The following PIGN variants were observed in gnomAD, a reference collection of about 807,000 sequenced individuals.
The protein encoded by PIGN is phosphatidylinositol glycan anchor biosynthesis class N.
PIGN carries 117 observed loss-of-function variants against 125.4 expected under a neutral mutation model. That is an observed-to-expected ratio of 0.93 (90% CI 0.80 to 1.09). The LOEUF (loss-of-function observed/expected upper bound fraction) is 1.09. Among genes scored for constraint, PIGN ranks in the 50% least tolerant of loss-of-function variants. The probability of loss-of-function intolerance (pLI) is 0.00; values close to 1 mark genes in which losing one functional copy is unlikely to be tolerated. For missense variants in PIGN, 1,075 were observed against 1,094.9 expected, an observed-to-expected ratio of 0.98 and a Z score of 0.26; for synonymous variants, 392 against 377.8, an observed-to-expected ratio of 1.04 and a Z score of -0.44.
At chr18:62,126,846 T>C (rs1383532459) in intron 14 of PIGN, among the ~76,000 whole-genome samples, 1 of 152,176 alleles carries the variant, frequency 6.6e-6, no homozygotes, top group Admixed American at 6.6e-5. Flanking sequence ...CAACTGAACT[T>C]GACCCTCATC....
At chr18:62,181,459 A>G (rs2037713125) in intron 1 of PIGN, among the ~76,000 whole-genome samples, 1 of 152,052 alleles carries the variant, frequency 6.6e-6, no homozygotes, top group Non-Finnish European at 1.5e-5. Flanking sequence ...TGCAAAATCT[A>G]ATAGCTATTT....
intron 7 of PIGN, chr18:62,153,787 TACAA>T (rs1193885226): frequency 1.3e-5 from 2 of 152,152 alleles, no homozygotes; most frequent in Non-Finnish European, 2.9e-5. Flanking sequence ...GGAGTACATT[TACAA>T]ACAAACAAAA....
intron 14 of PIGN, among the ~76,000 whole-genome samples, chr18:62,126,024 T>A (rs2035522623): frequency 6.6e-6 from 1 of 152,066 alleles, no homozygotes; most frequent in South Asian, 2.1e-4. Context: ...AACCCAATTG[T>A]ATAACAGTTT....
chr18:62,080,154 C>T (rs652473), intron 28 of PIGN, among the ~76,000 whole-genome samples: 61,911 of 151,578 alleles, frequency 0.41, 13,984 homozygotes, highest in Middle Eastern at 0.52. Context: ...TGTTTTTTTT[C>T]CCCCAATCCC....
intron 20 of PIGN, among the ~76,000 whole-genome samples, chr18:62,103,103 G>A (rs952497690): frequency 3.9e-5 from 6 of 152,030 alleles, no homozygotes; most frequent in Non-Finnish European, 7.4e-5. Flanking sequence ...TTAATCTTAG[G>A]ATAAAGATAC....
Position 62,084,532 on chromosome 18 carries a change from T to C in PIGN, c.2501A>G (p.Lys834Arg), listed in dbSNP as rs1425875624. 35 of 1,531,940 alleles carry C rather than the reference T, an allele frequency of 2.3e-5. No individual in the cohort carries two copies. The highest frequency in any genetic ancestry group is 3.0e-5 in the Non-Finnish European group (34 of 1,131,730). The allele number at this position is 1,531,940 out of a possible 1,614,324, so 94.9% of individuals were successfully genotyped here. A position where few individuals can be genotyped will look rare whatever the true frequency, so the allele number is the denominator to read the frequency against. ...PFMMGALMMW[K>R]ILIPFVLVMC... Reference sequence around the variant, plus strand: ...AAATAACAAAATAAGAAAACTAACCTTCCACATCATCAGGGCTCCCATCAT... The same window carrying C: ...AAATAACAAAATAAGAAAACTAACCCTCCACATCATCAGGGCTCCCATCAT... The change falls in exon 27 of 31, where the codon AAG becomes AGG. Residue 834 changes from lysine to arginine, a missense_variant and splice_region_variant. By Grantham distance (26) the Lys-to-Arg change is conservative. Around this residue, in one of 3 missense-constraint regions of PIGN, gnomAD observed 915 missense variants for 908.7 expected, o/e 1.01. Transcript: ENST00000640252.
At chr18:62,025,861 T>C (rs2030111660) in intron 23 of PIGN, among the ~76,000 whole-genome samples, 1 of 152,224 alleles carries the variant, frequency 6.6e-6, no homozygotes, top group African/African-American at 2.4e-5. Context: ...ATATGCCTCC[T>C]GCCACTGCCC....
At chr18:62,040,340 T>C (rs895918692), downstream of PIGN, among the ~76,000 whole-genome samples, 1 of 152,194 alleles carries the variant, frequency 6.6e-6, no homozygotes, top group East Asian at 1.9e-4. Flanking sequence ...GTCATGTCTC[T>C]ACAGGCTTCT....
intron 21 of PIGN, among the ~76,000 whole-genome samples, chr18:62,101,750 G>T (rs1157027157): frequency 6.6e-6 from 1 of 152,102 alleles, no homozygotes; most frequent in East Asian, 1.9e-4. Flanking sequence ...GAAATTTTTT[G>T]AGAACACTCA....
chr18:62,099,800 TA>T (rs2034363674), intron 22 of PIGN, among the ~76,000 whole-genome samples: 1 of 151,870 alleles, frequency 6.6e-6, no homozygotes, highest in Non-Finnish European at 1.5e-5. Flanking sequence ...TCTTACCACA[TA>T]AAAAAGAAAT....
At chr18:62,064,420 C>T (rs1054914583) in intron 30 of PIGN, among the ~76,000 whole-genome samples, 15 of 152,150 alleles carry the variant, frequency 9.9e-5, no homozygotes, top group Admixed American at 2.6e-4. Context: ...GGCTGGCAGT[C>T]CATTCATCTC....
chr18:62,071,515 C>T (rs4613171), intron 30 of PIGN, among the ~76,000 whole-genome samples: 1 of 152,058 alleles, frequency 6.6e-6, no homozygotes, highest in South Asian at 2.1e-4. Flanking sequence ...TACTAAGATA[C>T]TAAGTTTTAA....
At chr18:62,059,824 A>G (rs892880760) in intron 30 of PIGN, among the ~76,000 whole-genome samples, 1 of 152,376 alleles carries the variant, frequency 6.6e-6, no homozygotes. Context: ...GGTATGAATT[A>G]TACTCAATAA....
intron 1 of PIGN, among the ~76,000 whole-genome samples, chr18:62,170,487 A>C (rs140649437): frequency 1.4e-3 from 217 of 152,304 alleles, no homozygotes; most frequent in African/African-American, 5.1e-3. Flanking sequence ...AATTGTTTTG[A>C]GACAATTCCA....
At chr18:62,118,040 A>G (rs1481326789) in intron 14 of PIGN, among the ~76,000 whole-genome samples, 1 of 152,152 alleles carries the variant, frequency 6.6e-6, no homozygotes, top group Non-Finnish European at 1.5e-5. Context: ...TGCAATAAAC[A>G]TAGGAGTGCA....
intron 30 of PIGN, among the ~76,000 whole-genome samples, chr18:62,059,827 C>A (rs1286201641): frequency 6.6e-6 from 1 of 152,080 alleles, no homozygotes; most frequent in Non-Finnish European, 1.5e-5. Flanking sequence ...ATGAATTATA[C>A]TCAATAAAGC....
intron 25 of PIGN, among the ~76,000 whole-genome samples, chr18:62,088,092 GATC>G (rs2033791295): frequency 6.6e-6 from 1 of 152,144 alleles, no homozygotes; most frequent in Non-Finnish European, 1.5e-5. Flanking sequence ...TGATTGTGGT[GATC>G]ATTTTACAAT....
intron 25 of PIGN, among the ~76,000 whole-genome samples, chr18:62,086,015 G>A (rs2033680878): frequency 6.6e-6 from 1 of 152,212 alleles, no homozygotes; most frequent in African/African-American, 2.4e-5. Flanking sequence ...GGTGAGCTGA[G>A]CCTTTAATGT....
chr18:62,066,153 C>T (rs2032506854), intron 30 of PIGN, among the ~76,000 whole-genome samples: 1 of 152,238 alleles, frequency 6.6e-6, no homozygotes, highest in Non-Finnish European at 1.5e-5. Context: ...GTGACATTTA[C>T]TACTTGTTTC....
Sources: allele counts gnomAD v4.1 joint callset (sites outside exome capture counted in the v4.1 genomes callset), GRCh38; gene constraint gnomAD v4.1.1; regional missense constraint gnomAD v4.1.1; transcripts MANE v1.5; gene names NCBI Gene and HGNC (gene_info 2026-07-23, HGNC 2026-07-21).